FBXL13: variants seen among roughly 807,000 people sequenced by gnomAD.
FBXL13 encodes F-box and leucine-rich repeat protein 13.
Under a neutral mutation model 83.6 loss-of-function variants are expected in FBXL13, and 67 were observed. The observed-to-expected ratio is 0.80, with a 90% CI of 0.66 to 0.98. The LOEUF (loss-of-function observed/expected upper bound fraction) is 0.98, where lower values mean the gene tolerates loss of function less well. Among genes scored for constraint, FBXL13 ranks in the 50% least tolerant of loss-of-function variants. The pLI, the probability that FBXL13 is intolerant of heterozygous loss-of-function variation, is 0.00. For synonymous variants in FBXL13, 272 were observed against 299.5 expected, an observed-to-expected ratio of 0.91 and a Z score of 0.95; for missense variants, 822 against 866.5, an observed-to-expected ratio of 0.95 and a Z score of 0.64.
chr7:103,068,680 A>G (rs1446391230), intron 1 of FBXL13, among the ~76,000 whole-genome samples: 1 of 152,130 alleles, frequency 6.6e-6, no homozygotes, highest in South Asian at 2.1e-4. Context: ...AAAGTCTACA[A>G]ATGGGAAGAG....
intron 2 of FBXL13, among the ~76,000 whole-genome samples, chr7:103,032,722 C>G (rs1794631824): frequency 6.6e-6 from 1 of 152,174 alleles, no homozygotes; most frequent in Non-Finnish European, 1.5e-5. Flanking sequence ...TTACCTGGGC[C>G]TGTCTAATAT....
chr7:102,827,361 A>T (rs974269393), intron 18 of FBXL13, among the ~76,000 whole-genome samples: 1 of 152,176 alleles, frequency 6.6e-6, no homozygotes, highest in Non-Finnish European at 1.5e-5. Context: ...AGAACCACAC[A>T]GCCAAAACCA....
At chr7:103,053,033 A>G (rs1233965435) in intron 2 of FBXL13, among the ~76,000 whole-genome samples, 1 of 152,054 alleles carries the variant, frequency 6.6e-6, no homozygotes, top group Non-Finnish European at 1.5e-5. Context: ...CTGGGATTAC[A>G]GGCGTGAGCC....
At chr7:102,959,999 T>C (rs1255359458) in intron 8 of FBXL13, among the ~76,000 whole-genome samples, 3 of 152,146 alleles carry the variant, frequency 2.0e-5, no homozygotes, top group African/African-American at 4.8e-5. Context: ...TATAGAAATG[T>C]ATTTTAGAAA....
chr7:102,919,447 A>G (rs1320668568), intron 10 of FBXL13, among the ~76,000 whole-genome samples: 5 of 152,228 alleles, frequency 3.3e-5, no homozygotes, highest in Non-Finnish European at 4.4e-5. Flanking sequence ...TGCCTTCCCT[A>G]GCTGAGAAAA....
intron 16 of FBXL13, 97 bp from the exon 18 acceptor site, chr7:102,854,957 C>T (rs1409398664): frequency 3.1e-6 from 2 of 636,686 alleles, no homozygotes; most frequent in Non-Finnish European, 5.0e-6. Context: ...ACATAAAAAA[C>T]CATTTATGAA....
intron 11 of FBXL13, among the ~76,000 whole-genome samples, chr7:102,885,097 T>C (rs556063595): frequency 6.6e-6 from 1 of 152,246 alleles, no homozygotes; most frequent in Non-Finnish European, 1.5e-5. Flanking sequence ...TACACGCATG[T>C]ACATCTATTT....
chr7:103,059,340 A>G (rs1392532702), intron 1 of FBXL13, among the ~76,000 whole-genome samples: 1 of 152,234 alleles, frequency 6.6e-6, no homozygotes, highest in East Asian at 1.9e-4. Context: ...AAAATAGCAC[A>G]GCATGATATT....
intron 10 of FBXL13, among the ~76,000 whole-genome samples, chr7:102,923,365 C>T (rs1411719448): frequency 6.6e-6 from 1 of 152,046 alleles, no homozygotes; most frequent in Admixed American, 6.6e-5. Context: ...TTGGCCAATT[C>T]CAAGCTATCA....
At chr7:103,010,873 T>G (rs2129486473) in intron 6 of FBXL13, among the ~76,000 whole-genome samples, 1 of 152,338 alleles carries the variant, frequency 6.6e-6, no homozygotes, top group East Asian at 1.9e-4. Flanking sequence ...TTCAGCCCTG[T>G]GCAACCGAAC....
chr7:103,052,756 C>CTTTTTT (rs67278019), intron 2 of FBXL13, among the ~76,000 whole-genome samples: 3 of 134,304 alleles, frequency 2.2e-5, no homozygotes. Context: ...AATTCCTTTT[C>CTTTTTT]TTTTTTTTTT....
intron 11 of FBXL13, among the ~76,000 whole-genome samples, chr7:102,903,943 T>TCTTTTCTTTTC (rs3045671): frequency 2.2e-5 from 3 of 134,306 alleles, no homozygotes; most frequent in African/African-American, 9.1e-5. Flanking sequence ...TCTTTTCTTT[T>TCTTTTCTTTTC]TTTTTTTTTT....
At chr7:103,045,786 T>A (rs1195582074) in intron 2 of FBXL13, among the ~76,000 whole-genome samples, 4 of 152,242 alleles carry the variant, frequency 2.6e-5, no homozygotes, top group Admixed American at 2.6e-4. Flanking sequence ...TCCCCCCTTT[T>A]TGGTCAGGTT....
intron 17 of FBXL13, among the ~76,000 whole-genome samples, chr7:102,841,390 C>G (rs1015678676): frequency 2.6e-5 from 4 of 152,048 alleles, no homozygotes; most frequent in Admixed American, 1.3e-4. Context: ...TCTGTGGATG[C>G]TCAATATGAA....
rs762933883 is a variant in FBXL13 at position 103,028,769 on chromosome 7, T to A, written c.69-21A>T. 5.0e-5 allele frequency: 76 copies of A among 1,528,728 alleles called. 1 individual carries two copies. Among genetic ancestry groups the A allele is most frequent in the Non-Finnish European group, 6.1e-5 (70 of 1,144,194 alleles). 94.7% of individuals were successfully genotyped at this position (1,528,728 alleles called of 1,614,324 possible). On this transcript the variant is annotated intron_variant, in intron 3 of 19. Coordinates refer to ENST00000313221, the Ensembl canonical transcript of FBXL13. The stretch of plus-strand genomic sequence containing the variant: ...AAGTGCTGCAGGCAGAAGACATTTT[T>A]TAAAAAATAATATTTTGATATTAGG...
chr7:102,947,811 T>C (rs542418732), intron 8 of FBXL13, among the ~76,000 whole-genome samples: 1 of 152,062 alleles, frequency 6.6e-6, no homozygotes, highest in East Asian at 1.9e-4. Context: ...CCTTTCCTAG[T>C]CGTAAGATTC....
At chr7:102,964,087 G>C (rs1271728822) in intron 7 of FBXL13, among the ~76,000 whole-genome samples, 2 of 152,082 alleles carry the variant, frequency 1.3e-5, no homozygotes, top group Admixed American at 6.5e-5. Flanking sequence ...AAAGCGGGCG[G>C]ATCACTTGAG....
At chr7:102,886,245 G>A (rs1433198215) in intron 11 of FBXL13, among the ~76,000 whole-genome samples, 3 of 152,220 alleles carry the variant, frequency 2.0e-5, no homozygotes, top group Non-Finnish European at 4.4e-5. Flanking sequence ...AAATTGAGAT[G>A]CTGCCCAGAA....
At chr7:103,018,279 G>A (rs1362595391) in intron 6 of FBXL13, among the ~76,000 whole-genome samples, 2 of 152,154 alleles carry the variant, frequency 1.3e-5, no homozygotes, top group African/African-American at 4.8e-5. Flanking sequence ...AATACTGAGA[G>A]ATTTTGTCAC....
Sources: gnomAD v4.1 joint callset for allele counts (sites outside exome capture counted in the v4.1 genomes callset) on GRCh38, gnomAD v4.1.1 for gene constraint, MANE v1.5 for transcripts, NCBI Gene and HGNC (gene_info 2026-07-23, HGNC 2026-07-21) for gene names.